FAM228B: variants seen among roughly 807,000 people sequenced by gnomAD.
The protein encoded by FAM228B is protein FAM228B.
FAM228B carries 38 observed loss-of-function variants against 42.6 expected under a neutral mutation model. The observed-to-expected ratio is 0.89, with a 90% CI of 0.69 to 1.17. The LOEUF is 1.17. Among genes scored for constraint, FAM228B ranks in the 50% most tolerant of loss-of-function variants. The pLI is 0.00. For synonymous variants in FAM228B, 109 were observed against 122.3 expected, an observed-to-expected ratio of 0.89 and a Z score of 0.72; for missense variants, 344 against 367.3, an observed-to-expected ratio of 0.94 and a Z score of 0.52.
chr2:24,096,237 C>T (rs1471313311), intron 3 of FAM228B: 2 of 152,268 alleles, frequency 1.3e-5, no homozygotes, highest in South Asian at 2.1e-4. Flanking sequence ...TCCAAAGGAT[C>T]GCAACTCCTC....
Position 24,124,412 on chromosome 2 carries a change from C to G in FAM228B, c.51C>G (p.Leu17=), listed in dbSNP as rs1218083383. The change falls in exon 2 of 11, where the codon CTC becomes CTG. Residue 17 remains leucine (L), a synonymous_variant. Transcript: ENST00000615575. ...TGGTAACTGGCACACTTCCCAAGCT[C>G]AAGAGCTCAAAAGAATGGTTGGAGC... is the stretch of plus-strand genomic sequence containing the variant. ...DDLVTGTLPK[L]KSSKEWLEPK... is the part of the protein sequence containing the mutation. The G allele has an allele frequency of 6.4e-7, 1 of 1,551,886 alleles. No homozygotes were observed. Among genetic ancestry groups the G allele is most frequent in the African/African-American group, 1.4e-5 (1 of 73,024 alleles).
intron 2 of FAM228B, among the ~76,000 whole-genome samples, chr2:24,092,020 T>C (rs1370408082): frequency 6.6e-6 from 1 of 151,544 alleles, no homozygotes; most frequent in Non-Finnish European, 1.5e-5. Context: ...TCACTTGAAC[T>C]CAGGAGTTCA....
upstream of FAM228B, chr2:24,119,569 CAA>C (rs760541785): frequency 6.2e-7 from 1 of 1,609,644 alleles, no homozygotes; most frequent in South Asian, 1.1e-5. Flanking sequence ...ACTAGGAGGC[CAA>C]CTTACCCAGG....
intron 3 of FAM228B, among the ~76,000 whole-genome samples, chr2:24,116,388 C>T (rs1665917873): frequency 6.6e-6 from 1 of 152,138 alleles, no homozygotes; most frequent in South Asian, 2.1e-4. Flanking sequence ...GATGGGGTCT[C>T]ACTATGTTGC....
intron 3 of FAM228B, among the ~76,000 whole-genome samples, chr2:24,104,277 A>G (rs201973526): frequency 2.5e-3 from 381 of 152,238 alleles, no homozygotes; most frequent in African/African-American, 9.0e-3. Context: ...ACACCCACCC[A>G]TCGTGTTTCT....
intron 3 of FAM228B, among the ~76,000 whole-genome samples, chr2:24,103,647 C>G (rs993992773): frequency 3.9e-5 from 6 of 152,172 alleles, no homozygotes; most frequent in African/African-American, 1.4e-4. Context: ...CCACTAGGCA[C>G]CCAGCAATGC....
chr2:24,143,431 T>G (rs992892698), intron 5 of FAM228B, among the ~76,000 whole-genome samples: 18 of 152,206 alleles, frequency 1.2e-4, no homozygotes, highest in Non-Finnish European at 2.4e-4. Context: ...CCTGACCTCG[T>G]GATCCGCCCG....
intron 7 of FAM228B, among the ~76,000 whole-genome samples, chr2:24,155,341 C>A (rs1201444802): frequency 6.6e-6 from 1 of 151,208 alleles, no homozygotes; most frequent in Non-Finnish European, 1.5e-5. Context: ...AAGAAAATGT[C>A]CTTTTTAGAT....
chr2:24,116,604 C>T (rs951799620), intron 3 of FAM228B, among the ~76,000 whole-genome samples: 6 of 152,160 alleles, frequency 3.9e-5, no homozygotes, highest in Non-Finnish European at 5.9e-5. Flanking sequence ...CCTATAATCC[C>T]AGCACTTTGG....
intron 7 of FAM228B, among the ~76,000 whole-genome samples, chr2:24,161,216 C>A (rs1667277474): frequency 6.6e-6 from 1 of 152,156 alleles, no homozygotes; most frequent in Non-Finnish European, 1.5e-5. Flanking sequence ...GAGGCCGAGG[C>A]AGGAAGATCA....
chr2:24,141,918 T>C (rs1666759405), intron 5 of FAM228B, among the ~76,000 whole-genome samples: 1 of 152,174 alleles, frequency 6.6e-6, no homozygotes, highest in Admixed American at 6.5e-5. Flanking sequence ...GCCCAGGTTG[T>C]ACTATGATTG....
intron 2 of FAM228B, among the ~76,000 whole-genome samples, chr2:24,133,333 T>C (rs1022730279): frequency 1.3e-5 from 2 of 152,226 alleles, no homozygotes; most frequent in Non-Finnish European, 2.9e-5. Flanking sequence ...AGGGCAACTC[T>C]ATGAGGCAAA....
intron 3 of FAM228B, among the ~76,000 whole-genome samples, chr2:24,136,700 C>T (rs778207389): frequency 2.0e-5 from 3 of 152,150 alleles, no homozygotes; most frequent in African/African-American, 7.2e-5. Flanking sequence ...CAAATGTCTC[C>T]CACTTTGGGA....
rs1055291716 is a variant in FAM228B, at chr2:24,079,747, A to T, written c.-289-1129A>T. 4 of 1,072,172 alleles carry T rather than the reference A, an allele frequency of 3.7e-6. No individual in the cohort carries two copies. In the South Asian group the frequency reaches 4.6e-5, roughly 12 times the overall value. The allele number at this position is 1,072,172 out of a possible 1,614,324, so 66.4% of individuals were successfully genotyped here. On this transcript the variant is annotated intron_variant, in intron 1 of 10. Transcript: ENST00000613899. ...AAATACAGATGCAAGTGGTAAATCT[A>T]TAGGTTGGAATTAGAAACACTGCTT...
upstream of FAM228B, chr2:24,121,341 T>C (rs755877899): frequency 1.3e-6 from 2 of 1,579,268 alleles, no homozygotes; most frequent in Non-Finnish European, 1.7e-6. Context: ...CAGCCAACTA[T>C]GGCTGGTGGC....
intron 2 of FAM228B, among the ~76,000 whole-genome samples, chr2:24,092,218 CAAAAA>C (rs34189159): frequency 6.7e-5 from 2 of 29,994 alleles, no homozygotes; most frequent in African/African-American, 1.7e-4. Context: ...GACTCTGTCT[CAAAAA>C]AAAAAAAAAA....
At position 24,167,498 on chromosome 2, in the gene FAM228B, G is replaced by A. The variant is rs1290424160; in HGVS notation, c.933-129G>A. The A allele has an allele frequency of 4.2e-6, 5 of 1,179,826 alleles. No homozygotes were observed. The East Asian group carries it at 1.0e-4, about 25-fold the overall frequency. 73.1% of individuals were successfully genotyped at this position (1,179,826 alleles called of 1,614,324 possible). A position where few individuals can be genotyped will look rare whatever the true frequency, so the allele number is the denominator to read the frequency against. On this transcript the variant is annotated intron_variant, in intron 9 of 10. Coordinates refer to ENST00000615575, the MANE Select transcript of FAM228B (RefSeq NM_001145710.2). Reference sequence around the variant, plus strand: ...GTCCATTTAAACCTGTTCTGTTGGGGTTGGTTCTTCTCCTGCCCTGGGCAT... The same window carrying A: ...GTCCATTTAAACCTGTTCTGTTGGGATTGGTTCTTCTCCTGCCCTGGGCAT...
chr2:24,121,691 T>C (rs1175109184), upstream of FAM228B, among the ~76,000 whole-genome samples: 2 of 152,188 alleles, frequency 1.3e-5, no homozygotes, highest in African/African-American at 4.8e-5. Context: ...ATGAATAGAC[T>C]GATGCCCTCC....
intron 2 of FAM228B, among the ~76,000 whole-genome samples, chr2:24,132,384 A>G (rs1328452038): frequency 6.6e-6 from 1 of 151,214 alleles, no homozygotes; most frequent in African/African-American, 2.4e-5. Context: ...ATTGTTTGAA[A>G]TAGTTTCAGA....
Sources: allele counts gnomAD v4.1 joint callset (sites outside exome capture counted in the v4.1 genomes callset), GRCh38; gene constraint gnomAD v4.1.1; transcripts MANE v1.5; gene names NCBI Gene and HGNC (gene_info 2026-07-23, HGNC 2026-07-21).